KIF16B: variants seen among roughly 807,000 people sequenced by gnomAD.
The protein encoded by KIF16B is kinesin family member 16B.
A neutral mutation model predicts 156.3 loss-of-function variants in KIF16B; 98 were observed. The ratio of observed to expected loss-of-function variants is 0.63; its 90% CI spans 0.53 to 0.74. The LOEUF is 0.74. Among genes scored for constraint, KIF16B ranks in the 30% least tolerant of loss-of-function variants. The pLI is 0.00. For synonymous variants in KIF16B, 564 were observed against 583.7 expected, an observed-to-expected ratio of 0.97 and a Z score of 0.49; for missense variants, 1,421 against 1,606.5, an observed-to-expected ratio of 0.88 and a Z score of 1.97.
intron 12 of KIF16B, among the ~76,000 whole-genome samples, chr20:16,466,589 A>C (rs977404834): frequency 6.6e-6 from 1 of 152,184 alleles, no homozygotes; most frequent in African/African-American, 2.4e-5. Flanking sequence ...GTAAGACGTG[A>C]CTTTGCTCCT....
intron 12 of KIF16B, among the ~76,000 whole-genome samples, chr20:16,490,457 C>G (rs949975533): frequency 2.0e-5 from 3 of 152,120 alleles, no homozygotes; most frequent in Admixed American, 6.6e-5. Flanking sequence ...ATGAGAATCG[C>G]TTGAAACTGG....
chr20:16,429,667 A>G (rs146268324), intron 13 of KIF16B, among the ~76,000 whole-genome samples, 196 bp downstream of exon 13: 1 of 152,300 alleles, frequency 6.6e-6, no homozygotes, highest in East Asian at 1.9e-4. Flanking sequence ...ATTTAACTTT[A>G]GATAACAAGG....
At chr20:16,359,651 T>C (rs1222666113) in intron 22 of KIF16B, among the ~76,000 whole-genome samples, 1 of 130,422 alleles carries the variant, frequency 7.7e-6, no homozygotes, top group Non-Finnish European at 1.6e-5. Flanking sequence ...CATAGATTCT[T>C]TACAAAAAAA....
At chr20:16,543,231 G>C (rs1177386183) in intron 1 of KIF16B, among the ~76,000 whole-genome samples, 1 of 152,168 alleles carries the variant, frequency 6.6e-6, no homozygotes, top group African/African-American at 2.4e-5. Context: ...GTGAGATGCT[G>C]TTTCAGGTCC....
intron 4 of KIF16B, among the ~76,000 whole-genome samples, chr20:16,513,254 A>G (rs185439926): frequency 2.8e-3 from 426 of 152,332 alleles, no homozygotes; most frequent in South Asian, 5.8e-3. Flanking sequence ...TACATGCTCA[A>G]ATGAACAAGG....
intron 12 of KIF16B, among the ~76,000 whole-genome samples, chr20:16,489,757 T>G (rs1042710257): frequency 5.7e-5 from 8 of 139,820 alleles, no homozygotes; most frequent in Non-Finnish European, 1.5e-5. Context: ...CCTGGGGATC[T>G]TATAAAATAC....
At chr20:16,506,897 C>T (rs1484826221) in intron 7 of KIF16B, among the ~76,000 whole-genome samples, 1 of 151,450 alleles carries the variant, frequency 6.6e-6, no homozygotes, top group East Asian at 1.9e-4. Context: ...GAGTTCAAGA[C>T]CAGCCTGGGC....
At chr20:16,316,910 G>A (rs868113217) in intron 24 of KIF16B, among the ~76,000 whole-genome samples, 4 of 151,992 alleles carry the variant, frequency 2.6e-5, no homozygotes, top group East Asian at 3.9e-4. Context: ...GAAAACAACC[G>A]AACACCAAAA....
At chr20:16,416,817 G>A (rs2066101875) in intron 15 of KIF16B, among the ~76,000 whole-genome samples, 1 of 151,594 alleles carries the variant, frequency 6.6e-6, no homozygotes, top group Non-Finnish European at 1.5e-5. Flanking sequence ...TTTTTTGCCT[G>A]CAGTGCTTCC....
intron 11 of KIF16B, among the ~76,000 whole-genome samples, chr20:16,495,858 T>G (rs2068437198): frequency 2.6e-5 from 4 of 152,102 alleles, no homozygotes. Flanking sequence ...GCCCAGCTAA[T>G]TTTTGTATTT....
At chr20:16,492,811 GTTTGA>G (rs2068334946) in intron 12 of KIF16B, among the ~76,000 whole-genome samples, 1 of 151,918 alleles carries the variant, frequency 6.6e-6, no homozygotes, top group Non-Finnish European at 1.5e-5. Context: ...ATAGCTAACG[GTTTGA>G]TTTCTTTTTT....
At chr20:16,486,773 T>C (rs1241620068) in intron 12 of KIF16B, among the ~76,000 whole-genome samples, 1 of 152,134 alleles carries the variant, frequency 6.6e-6, no homozygotes, top group Non-Finnish European at 1.5e-5. Flanking sequence ...ATAAACAATA[T>C]GTGTGATTAT....
intron 11 of KIF16B, among the ~76,000 whole-genome samples, chr20:16,497,221 T>G (rs56347736): frequency 0.099 from 15,131 of 152,206 alleles, 979 homozygotes; most frequent in African/African-American, 0.19. Context: ...AGTGCCACTC[T>G]TCCCACTGGG....
intron 10 of KIF16B, among the ~76,000 whole-genome samples, chr20:16,501,082 A>G (rs1317401803): frequency 6.6e-6 from 1 of 152,132 alleles, no homozygotes; most frequent in Non-Finnish European, 1.5e-5. Context: ...ATATTCAAAT[A>G]CTCAGCTTCA....
intron 1 of KIF16B, among the ~76,000 whole-genome samples, chr20:16,552,520 C>T (rs1449942709): frequency 6.6e-6 from 1 of 152,090 alleles, no homozygotes; most frequent in Admixed American, 6.5e-5. Context: ...CTCCAAGTAC[C>T]CTTCCTGATG....
chr20:16,451,453 G>C (rs1289528659), intron 12 of KIF16B, among the ~76,000 whole-genome samples: 2 of 151,544 alleles, frequency 1.3e-5, no homozygotes, highest in Admixed American at 6.6e-5. Context: ...GCCCAAAACA[G>C]CACTCCTAAG....
At chr20:16,426,323 A>G (rs2066351084) in intron 15 of KIF16B, among the ~76,000 whole-genome samples, 1 of 152,172 alleles carries the variant, frequency 6.6e-6, no homozygotes, top group African/African-American at 2.4e-5. Context: ...ATGTAGAGGG[A>G]CATTCTACAA....
chr20:16,512,587 T>C (rs1041884684), intron 5 of KIF16B, among the ~76,000 whole-genome samples: 1 of 152,238 alleles, frequency 6.6e-6, no homozygotes, highest in Non-Finnish European at 1.5e-5. Flanking sequence ...CACATTAGTT[T>C]CTGCCCAAGC....
At chr20:16,384,798 T>A (rs553036980) in intron 17 of KIF16B, among the ~76,000 whole-genome samples, 1 of 152,198 alleles carries the variant, frequency 6.6e-6, no homozygotes, top group African/African-American at 2.4e-5. Flanking sequence ...GACTGTCACT[T>A]ACTGATCAGG....
Sources: gnomAD v4.1 joint callset for allele counts (sites outside exome capture counted in the v4.1 genomes callset) on GRCh38, gnomAD v4.1.1 for gene constraint, MANE v1.5 for transcripts, NCBI Gene and HGNC (gene_info 2026-07-23, HGNC 2026-07-21) for gene names.